Variants in NECTIN2 observed in about 807,000 individuals in gnomAD.
NECTIN2 encodes the protein nectin cell adhesion molecule 2, also known as nectin-2.
In NECTIN2, 23 loss-of-function variants were observed where a neutral mutation model predicts 56.9. The ratio of observed to expected loss-of-function variants is 0.40; its 90% CI spans 0.29 to 0.57. The LOEUF (loss-of-function observed/expected upper bound fraction) is 0.57, where lower values mean the gene tolerates loss of function less well. Ranked by LOEUF, NECTIN2 falls within the 20% of genes least tolerant of loss-of-function variation. The pLI, the probability that NECTIN2 is intolerant of heterozygous loss-of-function variation, is 0.38. For synonymous variants in NECTIN2, 302 were observed against 313.8 expected (o/e 0.96, Z 0.40); for missense variants, 587 against 718.3 (o/e 0.82, Z 2.09).
chr19:44,869,541 C>G (rs113793098), intron 2 of NECTIN2, among the ~76,000 whole-genome samples: 1 of 138,590 alleles, frequency 7.2e-6, no homozygotes, highest in Non-Finnish European at 1.5e-5. Flanking sequence ...TGCAGTGAGC[C>G]GAGATCGCAT....
rs151232661 is a variant in NECTIN2 at position 44,888,100 on chromosome 19, C to T, written c.1348-10C>T. 3.0e-5 allele frequency: 48 copies of T among 1,609,164 alleles called. No homozygotes were observed. In the East Asian group the frequency reaches 1.1e-3, roughly 36 times the overall value. ...GTGATCTTGAGTTCCTGTCCTCTCT[C>T]TACCTCCAGGAAATGCCTCGATACC... On this transcript the variant is annotated splice_polypyrimidine_tract_variant and intron_variant, in intron 8 of 8. Transcript: ENST00000252483.
In NECTIN2 at chr19:44,874,350, C is replaced by CCTCCGCAGTGGCCCAGGG; in HGVS notation, c.919_936dup (p.Ala307_Ser312dup). ...TCCAGGACCTCAGGCACCTTCCCGA[C>CCTCCGCAGTGGCCCAGGG]CTCCGCAGTGGCCCAGGGCTCCCAG... On this transcript the variant is annotated inframe_insertion, in exon 5 of 9. Coordinates refer to ENST00000252483, the MANE Select transcript of NECTIN2 (RefSeq NM_001042724.2). The surrounding 1 kb of genome is among the most constrained non-coding windows in gnomAD (Gnocchi z 6.3). The CCTCCGCAGTGGCCCAGGG allele has an allele frequency of 6.2e-7, 1 of 1,614,180 alleles. No individual in the cohort carries two copies. The highest frequency in any genetic ancestry group is 8.5e-7 in the Non-Finnish European group (1 of 1,180,014).
chr19:44,877,196 G>A (rs926183125), intron 5 of NECTIN2, among the ~76,000 whole-genome samples: 13 of 152,262 alleles, frequency 8.5e-5, no homozygotes, highest in African/African-American at 3.1e-4. Context: ...TGTCCTTCCT[G>A]GGTCTCAGCC....
chr19:44,854,725 A>G (rs1293726729), intron 1 of NECTIN2, among the ~76,000 whole-genome samples: 1 of 152,098 alleles, frequency 6.6e-6, no homozygotes, highest in Non-Finnish European at 1.5e-5. Context: ...AGACAGGAGA[A>G]TCACTTGAGC....
At chr19:44,883,268 C>CTTTGT (rs1364860974) in intron 6 of NECTIN2, among the ~76,000 whole-genome samples, 4 of 152,050 alleles carry the variant, frequency 2.6e-5, no homozygotes, top group Non-Finnish European at 5.9e-5. Flanking sequence ...AATCCCAGCA[C>CTTTGT]TTTGTTTTGT....
In NECTIN2 at chr19:44,865,309, C is replaced by T. The variant is rs1365743374; in HGVS notation, c.127C>T (p.Arg43Ter). 6.2e-7 allele frequency: 1 copy of T among 1,613,562 alleles called. No individual in the cohort carries two copies. The highest frequency in any genetic ancestry group is 8.5e-7 in the Non-Finnish European group (1 of 1,179,736). ...GCGAGTTCAAGTGCTACCCGAGGTG[C>T]GAGGCCAGCTCGGGGGCACCGTGGA... is the stretch of plus-strand genomic sequence containing the variant. ...DVRVQVLPEV[R>*]GQLGGTVELP... Residue 43 changes from arginine to a stop codon, truncating the protein, a stop_gained, in exon 2 of 9, where the codon CGA (arginine) becomes TGA (stop). Transcript: ENST00000252483. LOFTEE classifies it high-confidence loss of function. The surrounding 1 kb of genome is among the most constrained non-coding windows in gnomAD (Gnocchi z 5.2).
chr19:44,854,968 A>G (rs1400502778), intron 1 of NECTIN2, among the ~76,000 whole-genome samples: 3 of 150,560 alleles, frequency 2.0e-5, no homozygotes, highest in Admixed American at 6.7e-5. Flanking sequence ...TACTAAAAAA[A>G]TTAGCCGGGC....
At chr19:44,876,258 C>T (rs1441782500) in intron 5 of NECTIN2, among the ~76,000 whole-genome samples, 1 of 152,070 alleles carries the variant, frequency 6.6e-6, no homozygotes, top group Admixed American at 6.6e-5. Flanking sequence ...CAGCTCCACC[C>T]GCCCAGACAG....
At chr19:44,888,007 G>A (rs1173956814) in intron 8 of NECTIN2, 103 bp from the exon 9 acceptor site, 3 of 1,271,852 alleles carry the variant, frequency 2.4e-6, no homozygotes, top group East Asian at 2.3e-5. Context: ...CATCTTGTTG[G>A]CATGGGGAGA....
At chr19:44,847,946 G>A (rs1450518348) in intron 1 of NECTIN2, among the ~76,000 whole-genome samples, 3 of 152,108 alleles carry the variant, frequency 2.0e-5, no homozygotes. Context: ...GGAGGGGCTG[G>A]GAGGGAACCC....
intron 1 of NECTIN2, among the ~76,000 whole-genome samples, chr19:44,864,234 C>A (rs1348766310): frequency 6.6e-6 from 1 of 152,032 alleles, no homozygotes; most frequent in Non-Finnish European, 1.5e-5. Context: ...GTAGTCCCAG[C>A]TTGAACCTGG....
chr19:44,862,611 A>G (rs1267530511), intron 1 of NECTIN2, among the ~76,000 whole-genome samples: 6 of 152,208 alleles, frequency 3.9e-5, no homozygotes, highest in Admixed American at 3.3e-4. Flanking sequence ...CAAATACCAC[A>G]TGTTCTCACT....
chr19:44,881,269 G>T (rs1969304807), intron 5 of NECTIN2, among the ~76,000 whole-genome samples: 1 of 152,066 alleles, frequency 6.6e-6, no homozygotes, highest in South Asian at 2.1e-4. Context: ...CTGGATCCCA[G>T]AATTCTGTCC....
At chr19:44,855,801 T>A (rs560102398) in intron 1 of NECTIN2, among the ~76,000 whole-genome samples, 3 of 152,292 alleles carry the variant, frequency 2.0e-5, no homozygotes, top group Admixed American at 2.0e-4. Flanking sequence ...CTGTTGTAGG[T>A]GCTGGGGATA....
chr19:44,856,004 A>G (rs750631347), intron 1 of NECTIN2, among the ~76,000 whole-genome samples: 2 of 152,192 alleles, frequency 1.3e-5, no homozygotes, highest in Non-Finnish European at 2.9e-5. Flanking sequence ...CTTCCATTTT[A>G]AAATTTTAAA....
At chr19:44,886,339 G>A (rs7254892) in intron 8 of NECTIN2, 120 bp downstream of exon 8, 33,071 of 781,942 alleles carry the variant, frequency 0.042, 1,039 homozygotes, top group African/African-American at 0.13. Context: ...GTGTGTCCCC[G>A]GTTGGTGCTT....
chr19:44,874,473 T>A lies in NECTIN2; in HGVS notation c.1037T>A (p.Val346Asp). The A allele has an allele frequency of 1.9e-6, 3 of 1,613,424 alleles. No individual in the cohort carries two copies. The highest frequency in any genetic ancestry group is 2.5e-6 in the Non-Finnish European group (3 of 1,179,992). The part of the protein sequence containing the change: ...GMGRAEQVIF[V>D]RETPNTAGAG... ...GGCCGCGCTGAGCAGGTCATCTTTG[T>A]CCGAGGTGAGTGGGTCTTGGGGGCC... is the stretch of plus-strand genomic sequence containing the variant. Residue 346 changes from valine (V) to aspartate (D), a missense_variant, in exon 5 of 9, where the codon GTC (valine) becomes GAC (aspartate). Physicochemically the swap from Val to Asp is radical, Grantham distance 152. Transcript: ENST00000252483. The surrounding 1 kb of genome is among the most constrained non-coding windows in gnomAD (Gnocchi z 6.3).
At position 44,846,508 on chromosome 19, in the gene NECTIN2, T is replaced by C; in HGVS notation, c.-18T>C. 1 of 1,483,096 alleles carries C rather than the reference T, an allele frequency of 6.7e-7. No homozygotes were observed. The highest frequency in any genetic ancestry group is 8.9e-7 in the Non-Finnish European group (1 of 1,124,942). 91.9% of individuals were successfully genotyped at this position (1,483,096 alleles called of 1,614,324 possible). A position where few individuals can be genotyped will look rare whatever the true frequency, so the allele number is the denominator to read the frequency against. ...CCCGCGGGCCTCCGGCCGGGCCCAG[T>C]CCCCTCCCGGGCCCTCCATGGCCCG... On this transcript the variant is annotated 5_prime_UTR_variant, in exon 1 of 9. Transcript: ENST00000252483.
In NECTIN2 at chr19:44,882,330, G is replaced by A; in HGVS notation, c.1162G>A (p.Glu388Lys). The A allele has an allele frequency of 1.3e-6, 2 of 1,533,122 alleles. No homozygotes were observed. The highest frequency in any genetic ancestry group is 2.1e-5 in the Admixed American group (1 of 48,192). 95.0% of individuals were successfully genotyped at this position (1,533,122 alleles called of 1,614,324 possible). A position where few individuals can be genotyped will look rare whatever the true frequency, so the allele number is the denominator to read the frequency against. The stretch of plus-strand genomic sequence containing the variant: ...CCTTATCTGCCGGCAGCAGCGGAAG[G>A]AGCAGACGCTGCAGGGGGCAGAGGA... ...GILICRQQRK[E>K]QTLQGAEEDE... The change falls in exon 6 of 9, where the codon GAG (glutamate) becomes AAG (lysine). Residue 388 changes from glutamate (E) to lysine (K), a missense_variant. Physicochemically the swap from Glu to Lys is moderately conservative, Grantham distance 56 (BLOSUM62 1). Coordinates refer to ENST00000252483, the MANE Select transcript of NECTIN2 (RefSeq NM_001042724.2).
Sources: gnomAD v4.1 joint callset for allele counts (sites outside exome capture counted in the v4.1 genomes callset) on GRCh38, gnomAD v4.1.1 for gene constraint, Gnocchi (gnomAD v3.1) non-coding constraint, MANE v1.5 for transcripts, NCBI Gene and HGNC (gene_info 2026-07-23, HGNC 2026-07-21) for gene names.